EDIL3: variants seen among roughly 807,000 people sequenced by gnomAD.
EDIL3 encodes EGF-like repeat and discoidin I-like domain-containing protein 3.
EDIL3 carries 37 observed loss-of-function variants against 67.4 expected under a neutral mutation model. The observed-to-expected ratio is 0.55, with a 90% CI of 0.42 to 0.72. The LOEUF is 0.72. Among genes scored for constraint, EDIL3 ranks in the 30% least tolerant of loss-of-function variants. The probability of loss-of-function intolerance (pLI) is 0.00; values close to 1 mark genes in which losing one functional copy is unlikely to be tolerated. For missense variants in EDIL3, 527 were observed against 586.3 expected, an observed-to-expected ratio of 0.90 and a Z score of 1.04; for synonymous variants, 195 against 196.3, an observed-to-expected ratio of 0.99 and a Z score of 0.05.
intron 1 of EDIL3, among the ~76,000 whole-genome samples, chr5:84,375,233 G>A (rs749386103): frequency 4.6e-5 from 7 of 152,134 alleles, no homozygotes; most frequent in Non-Finnish European, 1.0e-4. Flanking sequence ...GTCTCCCAAA[G>A]TGCTGGGATT....
intron 6 of EDIL3, among the ~76,000 whole-genome samples, chr5:84,095,428 A>T (rs2112272234): frequency 6.6e-6 from 1 of 152,332 alleles, no homozygotes; most frequent in East Asian, 1.9e-4. Flanking sequence ...GCTGATAATG[A>T]CATGGACAAT....
chr5:84,007,477 T>G (rs2112176415), intron 9 of EDIL3, among the ~76,000 whole-genome samples: 1 of 152,268 alleles, frequency 6.6e-6, no homozygotes, highest in South Asian at 2.1e-4. Flanking sequence ...TGAATGACAT[T>G]TCTCAAAAGA....
In EDIL3 at chr5:84,003,997, GA is replaced by G. The variant is rs367584038; in HGVS notation, c.1138-40638del. On this transcript the variant is annotated intron_variant, in intron 9 of 10. Transcript: ENST00000296591. ...TGGAGAAAGATCTATCAAGCAAAAAGAAAAAAAAAAAAGAAGAGGGGTTGCT... is the reference window on the plus strand; with the variant it reads ...TGGAGAAAGATCTATCAAGCAAAAAGAAAAAAAAAAAGAAGAGGGGTTGCT... 5.6e-3 allele frequency among the ~76,000 whole-genome samples: 666 copies of G among 119,242 alleles called. 5 individuals carry two copies. The highest frequency in any genetic ancestry group is 0.023 in the East Asian group (91 of 3,978). The allele number at this position is 119,242 out of a possible 152,430, so 78.2% of individuals were successfully genotyped here. A position where few individuals can be genotyped will look rare whatever the true frequency, so the allele number is the denominator to read the frequency against.
At chr5:84,246,400 A>C (rs1229726285) in intron 2 of EDIL3, among the ~76,000 whole-genome samples, 6 of 152,236 alleles carry the variant, frequency 3.9e-5, no homozygotes, top group Non-Finnish European at 8.8e-5. Flanking sequence ...CGCAGATATG[A>C]GTGCAACAAA....
At chr5:83,958,391 T>G (rs192996073) in intron 10 of EDIL3, among the ~76,000 whole-genome samples, 13 of 151,672 alleles carry the variant, frequency 8.6e-5, no homozygotes, top group Middle Eastern at 3.4e-3. Context: ...GATATTGCAG[T>G]TTATTTCTTG....
chr5:83,985,565 A>C (rs1745045274), intron 9 of EDIL3, among the ~76,000 whole-genome samples: 1 of 151,972 alleles, frequency 6.6e-6, no homozygotes, highest in Admixed American at 6.6e-5. Flanking sequence ...CTCTGTTCTA[A>C]AATTTCTTGC....
chr5:84,050,116 T>C (rs1192698730), intron 9 of EDIL3, among the ~76,000 whole-genome samples: 5 of 142,680 alleles, frequency 3.5e-5, no homozygotes, highest in Non-Finnish European at 1.5e-5. Flanking sequence ...GAGAATGGTG[T>C]GAACCCGGGA....
chr5:83,946,186 T>G lies in EDIL3; in HGVS notation c.1294-2618A>C, dbSNP rs530017331. 2.6e-5 allele frequency among the ~76,000 whole-genome samples: 4 copies of G among 152,084 alleles called. No individual in the cohort carries two copies. In the East Asian group the frequency reaches 7.8e-4, roughly 30 times the overall value. On this transcript the variant is annotated intron_variant, in intron 10 of 10. Coordinates refer to ENST00000296591, the MANE Select transcript of EDIL3 (RefSeq NM_005711.5). ...TAAAACTGAAGTCTGAAAAGACTGA[T>G]AGAGAACATTAAATCTCTATATAGG...
intron 1 of EDIL3, among the ~76,000 whole-genome samples, chr5:84,274,372 G>A (rs1745533091): frequency 6.6e-6 from 1 of 152,014 alleles, no homozygotes; most frequent in Admixed American, 6.6e-5. Context: ...AAAGTGCTGG[G>A]ATCACAGGCT....
chr5:84,146,540 T>TA (rs923327942), intron 4 of EDIL3, among the ~76,000 whole-genome samples: 2 of 152,130 alleles, frequency 1.3e-5, no homozygotes, highest in African/African-American at 4.8e-5. Flanking sequence ...TCCTCTAGGT[T>TA]AAAGACTCCA....
chr5:84,336,109 A>G (rs1746980048), intron 1 of EDIL3, among the ~76,000 whole-genome samples: 1 of 152,196 alleles, frequency 6.6e-6, no homozygotes, highest in Admixed American at 6.5e-5. Flanking sequence ...GAATTTTAGG[A>G]GGACACATTC....
At chr5:84,148,755 C>T (rs1580349584) in intron 4 of EDIL3, among the ~76,000 whole-genome samples, 1 of 152,218 alleles carries the variant, frequency 6.6e-6, no homozygotes, top group South Asian at 2.1e-4. Flanking sequence ...CTTCAAGCAA[C>T]AAACTCACTA....
intron 9 of EDIL3, among the ~76,000 whole-genome samples, chr5:83,964,465 T>C (rs1168559641): frequency 1.3e-5 from 2 of 151,840 alleles, no homozygotes; most frequent in Admixed American, 1.3e-4. Flanking sequence ...TTTCAACCAC[T>C]ATGTCCTTTT....
chr5:84,265,228 G>C (rs1369176000), intron 1 of EDIL3, among the ~76,000 whole-genome samples: 2 of 152,184 alleles, frequency 1.3e-5, no homozygotes, highest in African/African-American at 4.8e-5. Context: ...TTAGTTTCAA[G>C]TTACAGCATG....
intron 1 of EDIL3, among the ~76,000 whole-genome samples, chr5:84,270,500 A>G (rs1199607065): frequency 6.6e-6 from 1 of 152,020 alleles, no homozygotes; most frequent in Non-Finnish European, 1.5e-5. Context: ...TTGTCAACTT[A>G]TAACACCTCT....
chr5:84,305,473 A>G (rs896135368), intron 1 of EDIL3, among the ~76,000 whole-genome samples: 8 of 152,196 alleles, frequency 5.3e-5, no homozygotes, highest in Admixed American at 4.6e-4. Context: ...ATAGGCTGTA[A>G]TCCACTAGCT....
At chr5:84,190,848 A>C (rs1054979050) in intron 3 of EDIL3, among the ~76,000 whole-genome samples, 3 of 151,920 alleles carry the variant, frequency 2.0e-5, no homozygotes, top group African/African-American at 7.2e-5. Context: ...ATTATAAATT[A>C]GTTTTGCATA....
chr5:83,958,834 A>AT (rs1744559436), intron 10 of EDIL3, among the ~76,000 whole-genome samples: 1 of 151,480 alleles, frequency 6.6e-6, no homozygotes, highest in Non-Finnish European at 1.5e-5. Context: ...TGTCACTTTC[A>AT]TAAGAGCAAA....
At chr5:84,001,219 T>C (rs1420585405) in intron 9 of EDIL3, among the ~76,000 whole-genome samples, 1 of 151,972 alleles carries the variant, frequency 6.6e-6, no homozygotes, top group Non-Finnish European at 1.5e-5. Flanking sequence ...GCTAATTTTT[T>C]TGTATTTTTA....
Sources: allele counts gnomAD v4.1 joint callset (sites outside exome capture counted in the v4.1 genomes callset), GRCh38; gene constraint gnomAD v4.1.1; transcripts MANE v1.5; gene names NCBI Gene and HGNC (gene_info 2026-07-23, HGNC 2026-07-21).